Variants in ASH1L observed in about 807,000 individuals in gnomAD.
ASH1L encodes ASH1 like histone lysine methyltransferase.
Under a neutral mutation model 269.0 loss-of-function variants are expected in ASH1L, and 23 were observed. That is an observed-to-expected ratio of 0.09 (90% CI 0.06 to 0.12). ASH1L has a LOEUF of 0.12. Among genes scored for constraint, ASH1L ranks in the 10% least tolerant of loss-of-function variants. The probability of loss-of-function intolerance (pLI) is 1.00; values close to 1 mark genes in which losing one functional copy is unlikely to be tolerated. For synonymous variants in ASH1L, 1,187 were observed against 1,253.5 expected, an observed-to-expected ratio of 0.95 and a Z score of 1.12; for missense variants, 2,912 against 3,567.8, an observed-to-expected ratio of 0.82 and a Z score of 4.68.
intron 1 of ASH1L, among the ~76,000 whole-genome samples, chr1:155,524,291 C>T (rs1020506683): frequency 2.7e-5 from 4 of 150,024 alleles, no homozygotes; most frequent in African/African-American, 4.9e-5. Flanking sequence ...GGGAGGCTGA[C>T]GGGGCGGATC....
chr1:155,483,395 C>G (rs894167079), intron 2 of ASH1L, among the ~76,000 whole-genome samples: 1 of 152,010 alleles, frequency 6.6e-6, no homozygotes, highest in African/African-American at 2.4e-5. Context: ...GCTAGAAAAA[C>G]CTAAAATGTA....
intron 2 of ASH1L, among the ~76,000 whole-genome samples, chr1:155,490,224 A>C (rs1002826416): frequency 6.6e-6 from 1 of 151,746 alleles, no homozygotes; most frequent in African/African-American, 2.4e-5. Flanking sequence ...TCGGCCTCCC[A>C]AAGTGCTGGG....
intron 1 of ASH1L, among the ~76,000 whole-genome samples, chr1:155,525,550 A>G (rs890017422): frequency 6.6e-5 from 10 of 151,768 alleles, no homozygotes; most frequent in African/African-American, 1.9e-4. Context: ...AAAAAAAAAA[A>G]AAGAAGAAGA....
chr1:155,372,608 C>CTTT (rs879896644), intron 10 of ASH1L, among the ~76,000 whole-genome samples: 1 of 143,060 alleles, frequency 7.0e-6, no homozygotes, highest in Non-Finnish European at 1.5e-5. Context: ...TGTGCCTGGC[C>CTTT]TTTTTTTTTT....
At chr1:155,421,888 G>A (rs1660714866) in intron 5 of ASH1L, among the ~76,000 whole-genome samples, 1 of 151,876 alleles carries the variant, frequency 6.6e-6, no homozygotes, top group Non-Finnish European at 1.5e-5. Flanking sequence ...ATTTTAAGTG[G>A]TCTGGACAGT....
At chr1:155,391,774 G>C (rs1336895933) in intron 7 of ASH1L, among the ~76,000 whole-genome samples, 1 of 151,956 alleles carries the variant, frequency 6.6e-6, no homozygotes, top group African/African-American at 2.4e-5. Context: ...GAGCAACATG[G>C]TGAAACCCTA....
At chr1:155,381,479 G>A (rs991188197) in intron 7 of ASH1L, among the ~76,000 whole-genome samples, 1 of 152,070 alleles carries the variant, frequency 6.6e-6, no homozygotes, top group Non-Finnish European at 1.5e-5. Context: ...GAACCTGGGA[G>A]GCAGAGGTTG....
intron 4 of ASH1L, among the ~76,000 whole-genome samples, chr1:155,454,167 C>T (rs1663704208): frequency 6.6e-6 from 1 of 152,194 alleles, no homozygotes; most frequent in South Asian, 2.1e-4. Flanking sequence ...TTCTTATCCA[C>T]TTACTCTAAT....
intron 19 of ASH1L, among the ~76,000 whole-genome samples, chr1:155,348,909 T>TACAC (rs1460484165): frequency 3.6e-5 from 5 of 138,496 alleles, no homozygotes; most frequent in African/African-American, 1.4e-4. Flanking sequence ...AATATATATA[T>TACAC]ATACACACAC....
Position 155,440,879 on chromosome 1 carries a change from C to T in ASH1L, c.5087-1811G>A, listed in dbSNP as rs536766145. 3.9e-5 allele frequency among the ~76,000 whole-genome samples: 6 copies of T among 152,256 alleles called. No homozygotes were observed. The East Asian group carries it at 9.6e-4, about 24-fold the overall frequency. ...TCAAACTAGCTCCTCCATCCAGATT[C>T]CCTACATCAGTGAATGATACCATAA... On this transcript the variant is annotated intron_variant, in intron 4 of 27. Coordinates refer to ENST00000392403, the MANE Select transcript of ASH1L (RefSeq NM_018489.3).
intron 1 of ASH1L, among the ~76,000 whole-genome samples, chr1:155,528,876 A>C (rs1669456021): frequency 6.6e-6 from 1 of 151,942 alleles, no homozygotes; most frequent in Non-Finnish European, 1.5e-5. Context: ...AATAAGCCCC[A>C]GTGTGTGTTG....
intron 2 of ASH1L, among the ~76,000 whole-genome samples, chr1:155,502,067 TTTTC>T (rs1193846120): frequency 1.9e-4 from 28 of 149,892 alleles, no homozygotes; most frequent in African/African-American, 5.2e-4. Flanking sequence ...TTTTCTTTTC[TTTTC>T]TTTTTTTTTT....
intron 5 of ASH1L, among the ~76,000 whole-genome samples, chr1:155,418,337 T>C (rs562350254): frequency 1.7e-4 from 26 of 152,134 alleles, no homozygotes; most frequent in Admixed American, 7.9e-4. Context: ...AAAAGGAATA[T>C]TGAGAATTGA....
intron 2 of ASH1L, among the ~76,000 whole-genome samples, chr1:155,495,952 C>T (rs764145954): frequency 2.6e-5 from 4 of 152,072 alleles, no homozygotes; most frequent in East Asian, 1.9e-4. Flanking sequence ...GAGCCGAGAT[C>T]GTGCTATTGC....
chr1:155,479,387 T>C lies in ASH1L; in HGVS notation c.3483A>G (p.Leu1161=). The C allele has an allele frequency of 6.2e-7, 1 of 1,614,088 alleles. No homozygotes were observed. Among genetic ancestry groups the C allele is most frequent in the Non-Finnish European group, 8.5e-7 (1 of 1,180,016 alleles). ...MKKASKGRRR[L]SPPTLLPNSP... Reference sequence around the variant, plus strand: ...AATTTGGCAACAAAGTAGGAGGAGATAACCGCCTCCTCCCCTTTGAGGCCT... The same window carrying C: ...AATTTGGCAACAAAGTAGGAGGAGACAACCGCCTCCTCCCCTTTGAGGCCT... Residue 1161 remains leucine (L), a synonymous_variant, in exon 3 of 28, where the codon TTA becomes TTG. Transcript: ENST00000392403.
At chr1:155,496,210 G>A (rs1667145311) in intron 2 of ASH1L, among the ~76,000 whole-genome samples, 1 of 150,930 alleles carries the variant, frequency 6.6e-6, no homozygotes, top group South Asian at 2.1e-4. Context: ...CAACTTTTTT[G>A]TTAAAAACTA....
chr1:155,441,279 GTC>G (rs765940485), intron 4 of ASH1L, among the ~76,000 whole-genome samples: 1 of 151,502 alleles, frequency 6.6e-6, no homozygotes. Flanking sequence ...GAAAAGGTCT[GTC>G]TCTCTCTCTA....
chr1:155,421,650 G>A (rs1014729975), intron 5 of ASH1L, among the ~76,000 whole-genome samples: 1 of 150,138 alleles, frequency 6.7e-6, no homozygotes, highest in Non-Finnish European at 1.5e-5. Flanking sequence ...CATCTTGGGC[G>A]ACAGAGCAAG....
chr1:155,351,107 T>G (rs1482048460), intron 17 of ASH1L, among the ~76,000 whole-genome samples: 3 of 150,684 alleles, frequency 2.0e-5, no homozygotes, highest in African/African-American at 7.3e-5. Flanking sequence ...TAGCTGGCCG[T>G]GGTGGCACAC....
Sources: allele counts gnomAD v4.1 joint callset (sites outside exome capture counted in the v4.1 genomes callset), GRCh38; gene constraint gnomAD v4.1.1; transcripts MANE v1.5; gene names NCBI Gene and HGNC (gene_info 2026-07-23, HGNC 2026-07-21).